Variants in ABCG8 observed in about 807,000 individuals in gnomAD.
ABCG8 encodes ATP-binding cassette sub-family G member 8.
ABCG8 carries 81 observed loss-of-function variants against 71.3 expected under a neutral mutation model. That is an observed-to-expected ratio of 1.14 (90% CI 0.95 to 1.37). The LOEUF (loss-of-function observed/expected upper bound fraction) is 1.37. Among genes scored for constraint, ABCG8 ranks in the 40% most tolerant of loss-of-function variants. The pLI, the probability that ABCG8 is intolerant of heterozygous loss-of-function variation, is 0.00. For missense variants in ABCG8, 1,119 were observed against 866.2 expected, an observed-to-expected ratio of 1.29 and a Z score of -3.66; for synonymous variants, 451 against 354.7, an observed-to-expected ratio of 1.27 and a Z score of -3.05.
In ABCG8 at chr2:43,852,697, G is replaced by C; in HGVS notation, c.793G>C (p.Val265Leu). 6.2e-7 allele frequency: 1 copy of C among 1,614,172 alleles called. No homozygotes were observed. The highest frequency in any genetic ancestry group is 8.5e-7 in the Non-Finnish European group (1 of 1,180,022). Residue 265 changes from valine to leucine, a missense_variant, in exon 6 of 13, where the codon GTG (valine) becomes CTG (leucine). By Grantham distance (32) the Val-to-Leu change is conservative. Transcript: ENST00000272286. ...CAGGCTGGCCAAAGGCAACCGGCTG[G>C]TGCTCATCTCCCTCCACCAGCCTCG... is the stretch of plus-strand genomic sequence containing the variant. ...LSRLAKGNRL[V>L]LISLHQPRSD...
At chr2:43,865,190 C>T (rs115296690) in intron 6 of ABCG8, among the ~76,000 whole-genome samples, 2,768 of 142,258 alleles carry the variant, frequency 0.019, 11 homozygotes, top group Middle Eastern at 0.06. Flanking sequence ...CTGGATAGAG[C>T]TCTCACTATC....
chr2:43,879,734 C>G lies in ABCG8; in HGVS notation c.*1821C>G, dbSNP rs1447449127. The G allele has an allele frequency of 1.3e-5, 2 of 152,064 alleles. No homozygotes were observed. The allele number at this position is 152,064 out of a possible 1,614,324, so 9.4% of individuals were successfully genotyped here. A position where few individuals can be genotyped will look rare whatever the true frequency, so the allele number is the denominator to read the frequency against. ...GTCAACTTTCCTTCACTTTTGTGAC[C>G]TTGATACTTGAGTTTGAAGGCTGTC... On this transcript the variant is annotated 3_prime_UTR_variant, in exon 13 of 13. Transcript: ENST00000272286.
In ABCG8 at chr2:43,852,411, A is replaced by G. The variant is rs141605800; in HGVS notation, c.619A>G (p.Asn207Asp). 42 of 1,612,450 alleles carry G rather than the reference A, an allele frequency of 2.6e-5. No individual in the cohort carries two copies. The South Asian group carries it at 3.8e-4, about 15-fold the overall frequency. The change falls in exon 5 of 13, where the codon AAC becomes GAC. Residue 207 changes from asparagine (N) to aspartate (D), a missense_variant. Asn to Asp is a conservative substitution (Grantham distance 23, BLOSUM62 1). Transcript: ENST00000272286. The stretch of plus-strand genomic sequence containing the variant: ...GCAGTGCGCTGACACCCGCGTGGGC[A>G]ACATGTACGTGCGGGGGTTGTCGGG... The part of the protein sequence containing the change: ...LRQCADTRVG[N>D]MYVRGLSGGE...
At chr2:43,839,892 T>A (rs1668513375) in intron 1 of ABCG8, among the ~76,000 whole-genome samples, 1 of 152,212 alleles carries the variant, frequency 6.6e-6, no homozygotes, top group Admixed American at 6.5e-5. Flanking sequence ...TGTGTGGCTC[T>A]AACAGGCAAT....
chr2:43,839,147 C>T, intron 1 of ABCG8, 31 bp downstream of exon 1: 1 of 1,549,644 alleles, frequency 6.5e-7, no homozygotes, highest in Non-Finnish European at 8.7e-7. Flanking sequence ...CGGCCCAGGC[C>T]TGGTGGGCGG....
In ABCG8 at chr2:43,872,118, C is replaced by G. The variant is rs774622976; in HGVS notation, c.1107C>G (p.Asp369Glu). The G allele has an allele frequency of 3.7e-6, 6 of 1,614,112 alleles. No homozygotes were observed. Among genetic ancestry groups the G allele is most frequent in the Non-Finnish European group, 5.1e-6 (6 of 1,180,046 alleles). Residue 369 changes from aspartate (D) to glutamate (E), a missense_variant, in exon 7 of 13, where the codon GAC (aspartate) becomes GAG (glutamate). By Grantham distance (45) the Asp-to-Glu change is conservative. Coordinates refer to ENST00000272286, the MANE Select transcript of ABCG8 (RefSeq NM_022437.3). The part of the protein sequence containing the change: ...FLWKAETKDL[D>E]EDTCVESSVT... ...GGAAAGCAGAGACGAAGGATCTTGACGAGGACACCTGTGTGGAAAGGTAAG... is the reference window on the plus strand; with the variant it reads ...GGAAAGCAGAGACGAAGGATCTTGAGGAGGACACCTGTGTGGAAAGGTAAG...
At chr2:43,845,991 T>C (rs910319377) in intron 2 of ABCG8, among the ~76,000 whole-genome samples, 164 bp from the exon 3 acceptor site, 3 of 152,252 alleles carry the variant, frequency 2.0e-5, no homozygotes, top group Non-Finnish European at 4.4e-5. Context: ...GCATGGGTCC[T>C]GCTTCCGTGT....
At chr2:43,847,433 C>G (rs1056722355) in intron 3 of ABCG8, 1 of 152,236 alleles carries the variant, frequency 6.6e-6, no homozygotes, top group Non-Finnish European at 1.5e-5. Flanking sequence ...CCCGGCCAGG[C>G]ACAGTGGCTC....
At position 43,877,546 on chromosome 2, in the gene ABCG8, GCTGT is replaced by G. The variant is rs751119152; in HGVS notation, c.1757-8_1757-5del. On this transcript the variant is annotated splice_polypyrimidine_tract_variant and intron_variant, in intron 11 of 12. Coordinates refer to ENST00000272286, the MANE Select transcript of ABCG8 (RefSeq NM_022437.3). ...ATGAGGGACACCTGTGAGTAACGCG[GCTGT>G]CTGTCTCCAGTGCCCGCGTGGATTT... The G allele has an allele frequency of 6.2e-6, 10 of 1,613,378 alleles. No homozygotes were observed. Among genetic ancestry groups the G allele is most frequent in the Middle Eastern group, 1.8e-4 (1 of 5,622 alleles).
chr2:43,861,318 C>T (rs1264116685), intron 6 of ABCG8, among the ~76,000 whole-genome samples: 1 of 151,112 alleles, frequency 6.6e-6, no homozygotes, highest in Non-Finnish European at 1.5e-5. Context: ...GGGTAGAATT[C>T]TCACTATCTA....
rs144200355 is a variant in ABCG8 at position 43,872,296 on chromosome 2, A to T, written c.1201A>T (p.Thr401Ser). ...KMPGAVQQFT[T>S]LIRRQISNDF... ...GCCTGGGGCGGTGCAGCAGTTTACG[A>T]CGCTGATCCGGTAATTATCTGTCAT... Residue 401 changes from threonine (T) to serine (S), a missense_variant, in exon 8 of 13, where the codon ACG (threonine) becomes TCG (serine). Transcript: ENST00000272286. 2.1e-3 allele frequency: 3,339 copies of T among 1,613,736 alleles called. 16 individuals are homozygous for T. Among genetic ancestry groups the T allele is most frequent in the Middle Eastern group, 0.013 (77 of 6,062 alleles).
Position 43,878,960 on chromosome 2 carries a change from C to T in ABCG8, c.*1047C>T, listed in dbSNP as rs1039069523. 1.3e-5 allele frequency: 2 copies of T among 152,300 alleles called. No individual in the cohort carries two copies. Among genetic ancestry groups the T allele is most frequent in the African/African-American group, 2.4e-5 (1 of 41,464 alleles). 9.4% of individuals were successfully genotyped at this position (152,300 alleles called of 1,614,324 possible). A position where few individuals can be genotyped will look rare whatever the true frequency, so the allele number is the denominator to read the frequency against. On this transcript the variant is annotated 3_prime_UTR_variant, in exon 13 of 13. Transcript: ENST00000272286. ...TCCCTCTTCGCTCGGCTCTCATTCT[C>T]TCTCCCGCTACCCTGTGAAGAGGAG...
At chr2:43,846,411 G>A in intron 3 of ABCG8, 100 bp downstream of exon 3, 1 of 1,525,102 alleles carries the variant, frequency 6.6e-7, no homozygotes, top group Non-Finnish European at 9.1e-7. Flanking sequence ...TTGCTGACTA[G>A]TAGAATAATA....
rs1296139222 is a variant in ABCG8, at chr2:43,852,342, T to A, written c.562-12T>A. ...CCCCTGAGGTGGCCTCAAAGCTCCT[T>A]CTGGCCCACAGGTGGAGGACGTGAT... On this transcript the variant is annotated splice_polypyrimidine_tract_variant and intron_variant, in intron 4 of 12. Transcript: ENST00000272286. 1.2e-6 allele frequency: 2 copies of A among 1,612,112 alleles called. No individual in the cohort carries two copies. The highest frequency in any genetic ancestry group is 1.7e-5 in the Admixed American group (1 of 60,026).
chr2:43,847,422 T>C (rs2104913885), intron 3 of ABCG8: 1 of 152,144 alleles, frequency 6.6e-6, no homozygotes, highest in Admixed American at 6.6e-5. Flanking sequence ...AAAAAGTAGA[T>C]CCCGGCCAGG....
chr2:43,858,671 T>C (rs1669196407), intron 6 of ABCG8, among the ~76,000 whole-genome samples: 1 of 146,070 alleles, frequency 6.8e-6, no homozygotes, highest in African/African-American at 2.6e-5. Context: ...CCTGTCTGGA[T>C]AGATTTCTCA....
intron 1 of ABCG8, among the ~76,000 whole-genome samples, chr2:43,840,594 G>A (rs1327188354): frequency 6.6e-6 from 1 of 152,180 alleles, no homozygotes; most frequent in Non-Finnish European, 1.5e-5. Context: ...ATATATAAAA[G>A]TCATCAGTCA....
chr2:43,843,349 G>A (rs1212754327), intron 1 of ABCG8, among the ~76,000 whole-genome samples: 1 of 152,284 alleles, frequency 6.6e-6, no homozygotes, highest in Middle Eastern at 3.4e-3. Flanking sequence ...GTTAATGAAA[G>A]TGTACTTGTT....
At chr2:43,844,400 C>A (rs1668673488) in intron 1 of ABCG8, 107 bp from the exon 2 acceptor site, 1 of 857,666 alleles carries the variant, frequency 1.2e-6, no homozygotes, top group East Asian at 2.6e-5. Context: ...TGAGATTTAA[C>A]CACGTCGGCT....
Sources: allele counts gnomAD v4.1 joint callset (sites outside exome capture counted in the v4.1 genomes callset), GRCh38; gene constraint gnomAD v4.1.1; transcripts MANE v1.5; gene names NCBI Gene and HGNC (gene_info 2026-07-23, HGNC 2026-07-21).